The following PARG variants were observed in gnomAD, a reference collection of about 807,000 sequenced individuals.
PARG encodes the protein poly(ADP-ribose) glycohydrolase.
PARG carries 35 observed loss-of-function variants against 113.0 expected under a neutral mutation model. The ratio of observed to expected loss-of-function variants is 0.31; its 90% CI spans 0.24 to 0.41. The LOEUF (loss-of-function observed/expected upper bound fraction) is 0.41. Ranked by LOEUF, PARG falls within the 10% of genes least tolerant of loss-of-function variation. The pLI is 1.00. For synonymous variants in PARG, 330 were observed against 409.9 expected, an observed-to-expected ratio of 0.81 and a Z score of 2.36; for missense variants, 797 against 1,169.4, an observed-to-expected ratio of 0.68 and a Z score of 4.64.
At chr10:49,932,932 T>C (rs1838561769) in intron 3 of PARG, among the ~76,000 whole-genome samples, 1 of 152,084 alleles carries the variant, frequency 6.6e-6, no homozygotes, top group Non-Finnish European at 1.5e-5. Context: ...GCAATTCCCA[T>C]AAATACCAAA....
Position 49,856,877 on chromosome 10 carries a change from C to T in PARG, c.2353+429G>A, listed in dbSNP as rs1295630955. 3.3e-5 allele frequency among the ~76,000 whole-genome samples: 5 copies of T among 151,332 alleles called. No individual in the cohort carries two copies. The East Asian group carries it at 5.9e-4, about 18-fold the overall frequency. Reference sequence around the variant, plus strand: ...ATACAAAATTAGCCGGGTGTGGTGACGCATGCCTGTAATCCCAGCTACTCG... The same window carrying T: ...ATACAAAATTAGCCGGGTGTGGTGATGCATGCCTGTAATCCCAGCTACTCG... On this transcript the variant is annotated intron_variant, in intron 13 of 17. Coordinates refer to ENST00000616448, the MANE Select transcript of PARG (RefSeq NM_003631.5).
chr10:49,869,388 G>A (rs1296373125), intron 10 of PARG, 88 bp downstream of exon 10: 1 of 665,590 alleles, frequency 1.5e-6, no homozygotes, highest in South Asian at 1.7e-5. Flanking sequence ...GAAGGTTTAC[G>A]TTAAACACAA....
At chr10:49,893,185 T>C (rs181768970) in intron 7 of PARG, among the ~76,000 whole-genome samples, 92 of 152,242 alleles carry the variant, frequency 6.0e-4, no homozygotes, top group African/African-American at 2.0e-3. Context: ...TGTAGTACAT[T>C]TTAAACTCCC....
chr10:49,895,148 CA>C (rs1554842429), intron 7 of PARG, among the ~76,000 whole-genome samples: 1 of 152,164 alleles, frequency 6.6e-6, no homozygotes, highest in African/African-American at 2.4e-5. Flanking sequence ...GATAAAGCCA[CA>C]TCCTGAGAGT....
In PARG at chr10:49,933,231, T is replaced by C; in HGVS notation, c.1217A>G (p.Lys406Arg). 1 of 1,588,684 alleles carries C rather than the reference T, an allele frequency of 6.3e-7. No individual in the cohort carries two copies. The highest frequency in any genetic ancestry group is 8.6e-7 in the Non-Finnish European group (1 of 1,163,520). ...GAAATGATCTGTGATTTTAGAATCC[T>C]TTTTTCCATGTTGCTTAGAATTTCT... Reference protein sequence around the residue: ...ECRNSKQHGKKDSKITDHFMR... With the variant: ...ECRNSKQHGKRDSKITDHFMR... Residue 406 changes from lysine to arginine, a missense_variant, in exon 3 of 18, where the codon AAG becomes AGG. Coordinates refer to ENST00000616448, the MANE Select transcript of PARG (RefSeq NM_003631.5).
rs1287906249 is a variant in PARG, at chr10:49,932,248, T to C, written c.1307A>G (p.Glu436Gly). Reference sequence around the variant, plus strand: ...TGGAACGTATTTAGGGATCTTCCTTTCTGTTCTTTGATGTTTGGTTTCCCA... The same window carrying C: ...TGGAACGTATTTAGGGATCTTCCTTCCTGTTCTTTGATGTTTGGTTTCCCA... ...EQWETKHQRT[E>G]RKIPKYVPPH... Residue 436 changes from glutamate to glycine, a missense_variant, in exon 4 of 18, where the codon GAA becomes GGA. Around this residue, in one of 5 missense-constraint regions of PARG, gnomAD observed 252 missense variants for 437.4 expected, o/e 0.58. Coordinates refer to ENST00000616448, the MANE Select transcript of PARG (RefSeq NM_003631.5). 9 of 1,596,342 alleles carry C rather than the reference T, an allele frequency of 5.6e-6. No individual in the cohort carries two copies. The highest frequency in any genetic ancestry group is 7.7e-6 in the Non-Finnish European group (9 of 1,163,806).
chr10:49,839,484 T>C (rs1246257464), intron 15 of PARG, among the ~76,000 whole-genome samples: 2 of 152,234 alleles, frequency 1.3e-5, no homozygotes, highest in Admixed American at 6.5e-5. Context: ...TCATTCTTTG[T>C]ATAAAACGCC....
At chr10:49,876,936 T>C (rs1173743333) in intron 9 of PARG, among the ~76,000 whole-genome samples, 2 of 150,048 alleles carry the variant, frequency 1.3e-5, no homozygotes, top group African/African-American at 2.5e-5. Context: ...GAGCATATTA[T>C]ATATAAAAAA....
chr10:49,919,926 A>C (rs552255102), intron 6 of PARG, among the ~76,000 whole-genome samples: 10 of 152,296 alleles, frequency 6.6e-5, no homozygotes, highest in Non-Finnish European at 1.5e-4. Flanking sequence ...GAAAAGTAAT[A>C]ATTGCAAAAT....
At chr10:49,916,533 C>G (rs1470836636) in intron 6 of PARG, among the ~76,000 whole-genome samples, 1 of 151,664 alleles carries the variant, frequency 6.6e-6, no homozygotes, top group Non-Finnish European at 1.5e-5. Context: ...TATTTTTATA[C>G]TATATATAAA....
intron 2 of PARG, among the ~76,000 whole-genome samples, chr10:49,934,575 C>T (rs1462717113): frequency 2.6e-5 from 4 of 152,058 alleles, no homozygotes; most frequent in South Asian, 2.1e-4. Flanking sequence ...ACTGGCCGGG[C>T]GCAGTGGCTC....
intron 7 of PARG, among the ~76,000 whole-genome samples, chr10:49,909,201 GTT>G (rs1215323833): frequency 6.6e-6 from 1 of 151,914 alleles, no homozygotes; most frequent in African/African-American, 2.4e-5. Context: ...CAACTATTGT[GTT>G]TTACGTTATT....
chr10:49,920,832 C>T (rs1554849126), intron 6 of PARG, among the ~76,000 whole-genome samples: 1 of 151,896 alleles, frequency 6.6e-6, no homozygotes, highest in Non-Finnish European at 1.5e-5. Flanking sequence ...TGATCCCTCA[C>T]CTGATACTTG....
At chr10:49,940,948 G>T (rs1839016840) in intron 1 of PARG, among the ~76,000 whole-genome samples, 1 of 152,130 alleles carries the variant, frequency 6.6e-6, no homozygotes. Flanking sequence ...ATTCAGTTAG[G>T]TAAAACAATC....
chr10:49,829,906 ATG>A (rs1391692412), intron 16 of PARG, among the ~76,000 whole-genome samples: 4 of 152,190 alleles, frequency 2.6e-5, no homozygotes, highest in African/African-American at 7.2e-5. Flanking sequence ...TATTGCATAA[ATG>A]TACCATAATT....
chr10:49,874,048 CTG>C (rs1190044530), intron 9 of PARG, among the ~76,000 whole-genome samples: 1 of 144,236 alleles, frequency 6.9e-6, no homozygotes, highest in Non-Finnish European at 1.5e-5. Flanking sequence ...CAAAGGGAGA[CTG>C]TGTAGCAGAA....
intron 13 of PARG, among the ~76,000 whole-genome samples, chr10:49,847,321 G>C (rs1347433127): frequency 6.6e-6 from 1 of 151,874 alleles, no homozygotes; most frequent in Non-Finnish European, 1.5e-5. Context: ...GAATGAAAAA[G>C]TATAACCTGA....
chr10:49,926,937 G>A (rs1365229929), intron 4 of PARG, among the ~76,000 whole-genome samples: 7 of 152,168 alleles, frequency 4.6e-5, no homozygotes, highest in Admixed American at 2.0e-4. Context: ...TCTTGCTACA[G>A]ACGTCAGTGT....
At chr10:49,857,520 T>C (rs1846052750) in intron 12 of PARG, 67 bp from the exon 13 acceptor site, 2 of 998,460 alleles carry the variant, frequency 2.0e-6, no homozygotes, top group Non-Finnish European at 3.0e-6. Flanking sequence ...AAGAAGCACA[T>C]AGTCTCTAAG....
Sources: allele counts gnomAD v4.1 joint callset (sites outside exome capture counted in the v4.1 genomes callset), GRCh38; gene constraint gnomAD v4.1.1; regional missense constraint gnomAD v4.1.1; transcripts MANE v1.5; gene names NCBI Gene and HGNC (gene_info 2026-07-23, HGNC 2026-07-21).